The following OCSTAMP variants were observed in gnomAD, a reference collection of about 807,000 sequenced individuals.
The protein encoded by OCSTAMP is osteoclast stimulatory transmembrane protein, also known as transmembrane protein C20orf123.
In OCSTAMP, 17 loss-of-function variants were observed where a neutral mutation model predicts 25.2. That is an observed-to-expected ratio of 0.68 (90% CI 0.46 to 1.01). The LOEUF (loss-of-function observed/expected upper bound fraction) is 1.01, where lower values mean the gene tolerates loss of function less well. Ranked by LOEUF, OCSTAMP falls within the 50% of genes least tolerant of loss-of-function variation. The probability of loss-of-function intolerance (pLI) is 0.00; values close to 1 mark genes in which losing one functional copy is unlikely to be tolerated. For synonymous variants in OCSTAMP, 345 were observed against 318.9 expected, an observed-to-expected ratio of 1.08 and a Z score of -0.87; for missense variants, 664 against 694.6, an observed-to-expected ratio of 0.96 and a Z score of 0.50.
rs1301519875 is a variant in OCSTAMP, at chr20:46,545,339, C to T, written c.1035G>A (p.Thr345=). Residue 345 remains threonine, a synonymous_variant, in exon 2 of 3, where the codon ACG becomes ACA. Coordinates refer to ENST00000279028, the MANE Select transcript of OCSTAMP (RefSeq NM_080721.3). The part of the protein sequence containing the change: ...QKLPTVPITL[T]VKYDVAYTVL... ...TCATCACACTTACATCATACTTGACCGTGAGCGTGATGGGCACAGTTGGCA... is the reference window on the plus strand; with the variant it reads ...TCATCACACTTACATCATACTTGACTGTGAGCGTGATGGGCACAGTTGGCA... 23 of 1,475,340 alleles carry T rather than the reference C, an allele frequency of 1.6e-5. No homozygotes were observed. The highest frequency in any genetic ancestry group is 3.6e-4 in the Middle Eastern group (2 of 5,622). The allele number at this position is 1,475,340 out of a possible 1,614,324, so 91.4% of individuals were successfully genotyped here.
chr20:46,546,798 T>C (rs1400150077), intron 1 of OCSTAMP, among the ~76,000 whole-genome samples: 1 of 152,134 alleles, frequency 6.6e-6, no homozygotes, highest in Non-Finnish European at 1.5e-5. Context: ...AACTTCAGGG[T>C]CTCCTCTATA....
rs3092597 is a variant in OCSTAMP at position 46,542,574 on chromosome 20, C to CAAAAAAAAAAAAAAAAAAA, written c.1048-648_1048-647insTTTTTTTTTTTTTTTTTTT. Among the ~76,000 whole-genome samples the CAAAAAAAAAAAAAAAAAAA allele has an allele frequency of 3.4e-4, 34 of 100,352 alleles. 3 individuals are homozygous for CAAAAAAAAAAAAAAAAAAA. Among genetic ancestry groups the CAAAAAAAAAAAAAAAAAAA allele is most frequent in the African/African-American group, 1.6e-3 (31 of 19,998 alleles). 65.8% of individuals were successfully genotyped at this position (100,352 alleles called of 152,430 possible). On this transcript the variant is annotated intron_variant, in intron 2 of 2. Coordinates refer to ENST00000279028, the MANE Select transcript of OCSTAMP (RefSeq NM_080721.3). ...TGGGCAACACAGCAAGACTCTGTCT[C>CAAAAAAAAAAAAAAAAAAA]AAAAAAAAAAAAAAGATGGGAAGCC...
chr20:46,549,806 C>CTGTGTGTGTGTGTGTGTGTGTGTGTGTG (rs767000638), intron 1 of OCSTAMP, among the ~76,000 whole-genome samples: 13,108 of 142,144 alleles, frequency 0.092, 950 homozygotes, highest in Middle Eastern at 0.16. Flanking sequence ...TTGTGGCCCA[C>CTGTGTGTGTGTGTGTGTGTGTGTGTGTG]TCTGTGTGTG....
In OCSTAMP at chr20:46,545,345, C is replaced by A; in HGVS notation, c.1029G>T (p.Thr343=). Reference sequence around the variant, plus strand: ...CACTTACATCATACTTGACCGTGAGCGTGATGGGCACAGTTGGCAACTTCT... The same window carrying A: ...CACTTACATCATACTTGACCGTGAGAGTGATGGGCACAGTTGGCAACTTCT... The part of the protein sequence containing the change: ...WAQKLPTVPI[T]LTVKYDVAYT... Residue 343 remains threonine, a synonymous_variant, in exon 2 of 3, where the codon ACG becomes ACT. Transcript: ENST00000279028. The A allele has an allele frequency of 1.4e-6, 2 of 1,478,908 alleles. No individual in the cohort carries two copies. The highest frequency in any genetic ancestry group is 2.8e-5 in the South Asian group (2 of 71,884). The allele number at this position is 1,478,908 out of a possible 1,614,324, so 91.6% of individuals were successfully genotyped here. A position where few individuals can be genotyped will look rare whatever the true frequency, so the allele number is the denominator to read the frequency against.
intron 1 of OCSTAMP, among the ~76,000 whole-genome samples, chr20:46,549,429 T>C (rs1568899308): frequency 6.6e-6 from 1 of 152,192 alleles, no homozygotes; most frequent in Non-Finnish European, 1.5e-5. Context: ...TGAGGAGACT[T>C]AAATAGACCA....
At chr20:46,548,940 A>G (rs1297105992) in intron 1 of OCSTAMP, among the ~76,000 whole-genome samples, 1 of 152,220 alleles carries the variant, frequency 6.6e-6, no homozygotes, top group Non-Finnish European at 1.5e-5. Context: ...TGGTAGGAAG[A>G]TGCCTCAAGC....
chr20:46,547,185 G>A (rs1025013163), intron 1 of OCSTAMP, among the ~76,000 whole-genome samples: 2 of 152,168 alleles, frequency 1.3e-5, no homozygotes, highest in African/African-American at 4.8e-5. Flanking sequence ...GTCAAAACAG[G>A]TTTGAGTGGA....
At position 46,541,768 on chromosome 20, in the gene OCSTAMP, G is replaced by T; in HGVS notation, c.1207C>A (p.Leu403Met). The T allele has an allele frequency of 6.5e-7, 1 of 1,529,688 alleles. No homozygotes were observed. 94.8% of individuals were successfully genotyped at this position (1,529,688 alleles called of 1,614,324 possible). The change falls in exon 3 of 3, where the codon CTG becomes ATG. Residue 403 changes from leucine (L) to methionine (M), a missense_variant. Coordinates refer to ENST00000279028, the MANE Select transcript of OCSTAMP (RefSeq NM_080721.3). ...PARRPRAAAPLAAGALQLLAG... is the reference protein window; with the variant it reads ...PARRPRAAAPMAAGALQLLAG... ...AGGAGCTGCAGGGCCCCCGCGGCCA[G>T]CGGGGCAGCTGCGCGGGGACGCCGG...
chr20:46,541,830 A>G lies in OCSTAMP; in HGVS notation c.1145T>C (p.Leu382Pro), dbSNP rs567960961. The G allele has an allele frequency of 2.0e-4, 295 of 1,476,458 alleles. 2 individuals are homozygous for G. In the African/African-American group the frequency reaches 3.6e-3, roughly 18 times the overall value. 91.5% of individuals were successfully genotyped at this position (1,476,458 alleles called of 1,614,324 possible). ...TGGGCAGCGGGCGGAGGTGAGGCGGAGCTCCCATTGGTAGGAGCTGTGGAC... is the reference window on the plus strand; with the variant it reads ...TGGGCAGCGGGCGGAGGTGAGGCGGGGCTCCCATTGGTAGGAGCTGTGGAC... ...LSVHSSYQWE[L>P]RLTSARCPLL... Residue 382 changes from leucine to proline, a missense_variant, in exon 3 of 3, where the codon CTC (leucine) becomes CCC (proline). Leu to Pro is a moderately conservative substitution (Grantham distance 98). Transcript: ENST00000279028.
At chr20:46,547,852 A>C (rs2061857718) in intron 1 of OCSTAMP, among the ~76,000 whole-genome samples, 1 of 152,206 alleles carries the variant, frequency 6.6e-6, no homozygotes, top group Non-Finnish European at 1.5e-5. Flanking sequence ...GGAAATCTAT[A>C]GCATGTTTGC....
At chr20:46,542,549 T>C (rs1341225126) in intron 2 of OCSTAMP, among the ~76,000 whole-genome samples, 1 of 115,710 alleles carries the variant, frequency 8.6e-6, no homozygotes, top group Non-Finnish European at 1.6e-5. Flanking sequence ...CACTCCAGAC[T>C]GGGCAACACA....
Position 46,546,218 on chromosome 20 carries a change from GAGCTGGGTCAGC to G in OCSTAMP, c.144_155del (p.Thr50_Leu53del), listed in dbSNP as rs1487309645. The stretch of plus-strand genomic sequence containing the variant: ...CAGCAGCCAGGGAGGCACACAGGAG[GAGCTGGGTCAGC>G]AGCTGGCCACAGCTGGCTGGAACAG... On this transcript the variant is annotated inframe_deletion, in exon 2 of 3. Transcript: ENST00000279028. 7.1e-6 allele frequency: 11 copies of G among 1,551,606 alleles called. No homozygotes were observed. In the East Asian group the frequency reaches 2.2e-4, roughly 31 times the overall value.
In OCSTAMP at chr20:46,545,311, C is replaced by T; in HGVS notation, c.1047+16G>A. 6.9e-7 allele frequency: 1 copy of T among 1,448,250 alleles called. No homozygotes were observed. Among genetic ancestry groups the T allele is most frequent in the Non-Finnish European group, 9.1e-7 (1 of 1,098,446 alleles). 89.7% of individuals were successfully genotyped at this position (1,448,250 alleles called of 1,614,324 possible). On this transcript the variant is annotated intron_variant, in intron 2 of 2. Coordinates refer to ENST00000279028, the MANE Select transcript of OCSTAMP (RefSeq NM_080721.3). ...AAAACAATGACTCCCTTCCCTTTTC[C>T]CATCATCACACTTACATCATACTTG... is the stretch of plus-strand genomic sequence containing the variant.
intron 2 of OCSTAMP, among the ~76,000 whole-genome samples, chr20:46,542,171 A>G (rs529169369): frequency 6.6e-6 from 1 of 152,196 alleles, no homozygotes; most frequent in African/African-American, 2.4e-5. Flanking sequence ...TTTAGAGAAA[A>G]CAAATTGTCT....
chr20:46,546,381 T>C (rs1002104783), intron 1 of OCSTAMP, 52 bp from the exon 2 acceptor site: 1 of 1,448,254 alleles, frequency 6.9e-7, no homozygotes, highest in African/African-American at 1.4e-5. Flanking sequence ...GGTGGGTGGG[T>C]GTCTGTCCAC....
intron 1 of OCSTAMP, among the ~76,000 whole-genome samples, chr20:46,549,207 T>C (rs847076): frequency 0.085 from 12,880 of 152,126 alleles, 1,500 homozygotes; most frequent in African/African-American, 0.26. Flanking sequence ...TCTGGGACAA[T>C]AAAATGAAAT....
intron 1 of OCSTAMP, 107 bp downstream of exon 1, chr20:46,550,410 A>G: frequency 1.0e-6 from 1 of 968,440 alleles, no homozygotes; most frequent in African/African-American, 1.6e-5. Flanking sequence ...CTAAGGTCAC[A>G]TAGCCAAGGA....
intron 1 of OCSTAMP, among the ~76,000 whole-genome samples, chr20:46,549,118 T>A (rs76215944): frequency 0.024 from 3,682 of 152,304 alleles, 109 homozygotes; most frequent in East Asian, 0.13. Context: ...TGTCTGTTTT[T>A]CTACAGGCAG....
chr20:46,548,987 T>A (rs2061861835), intron 1 of OCSTAMP, among the ~76,000 whole-genome samples: 1 of 152,192 alleles, frequency 6.6e-6, no homozygotes, highest in Non-Finnish European at 1.5e-5. Flanking sequence ...CGGCCTGGGA[T>A]GAAGGCAACA....
Sources: gnomAD v4.1 joint callset for allele counts (sites outside exome capture counted in the v4.1 genomes callset) on GRCh38, gnomAD v4.1.1 for gene constraint, MANE v1.5 for transcripts, NCBI Gene and HGNC (gene_info 2026-07-23, HGNC 2026-07-21) for gene names.